MAN2B1: variants seen among roughly 807,000 people sequenced by gnomAD.
The protein encoded by MAN2B1 is lysosomal alpha-mannosidase.
Under a neutral mutation model 127.5 loss-of-function variants are expected in MAN2B1, and 99 were observed. That is an observed-to-expected ratio of 0.78 (90% CI 0.66 to 0.92). The LOEUF is 0.92. MAN2B1 is among the 40% of genes least tolerant of loss of function. The probability of loss-of-function intolerance (pLI) is 0.00; values close to 1 mark genes in which losing one functional copy is unlikely to be tolerated. For synonymous variants in MAN2B1, 573 were observed against 568.8 expected, an observed-to-expected ratio of 1.01 and a Z score of -0.11; for missense variants, 1,304 against 1,384.8, an observed-to-expected ratio of 0.94 and a Z score of 0.93.
chr19:12,649,904 A>G lies in MAN2B1; in HGVS notation c.2267+9T>C, dbSNP rs750833439. ...GACCACCCCCTCAGTGCTCTCAGTC[A>G]CCCCCCACCTCCTCTCCAGGATCTC... On this transcript the variant is annotated intron_variant, in intron 18 of 23. Transcript: ENST00000456935. 2 of 1,535,406 alleles carry G rather than the reference A, an allele frequency of 1.3e-6. No homozygotes were observed. Among genetic ancestry groups the G allele is most frequent in the Admixed American group, 1.7e-5 (1 of 57,156 alleles).
intron 11 of MAN2B1, 28 bp downstream of exon 11, chr19:12,657,418 C>A (rs1041281212): frequency 5.9e-6 from 9 of 1,537,646 alleles, no homozygotes; most frequent in East Asian, 2.4e-5. Context: ...TCTCCACCCC[C>A]GTGTCTCCCA....
Position 12,650,107 on chromosome 19 carries a change from A to G in MAN2B1, c.2162T>C (p.Val721Ala), listed in dbSNP as rs778385288. The G allele has an allele frequency of 1.2e-6, 2 of 1,613,552 alleles. No homozygotes were observed. The highest frequency in any genetic ancestry group is 2.7e-5 in the African/African-American group (2 of 74,802). Residue 721 changes from valine (V) to alanine (A), a missense_variant, in exon 17 of 24, where the codon GTG becomes GCG. Physicochemically the swap from Val to Ala is moderately conservative, Grantham distance 64. Transcript: ENST00000456935. ...ELEWSVGPIPVGDTWGKEVIS... is the reference protein window; with the variant it reads ...ELEWSVGPIPAGDTWGKEVIS... Reference sequence around the variant, plus strand: ...TCTCCCAGCCTGTGCCACTCACCCCACAGGTATCGGCCCCACCGACCACTC... The same window carrying G: ...TCTCCCAGCCTGTGCCACTCACCCCGCAGGTATCGGCCCCACCGACCACTC...
chr19:12,655,799 G>A lies in MAN2B1; in HGVS notation c.1725C>T (p.Phe575=), dbSNP rs750784245. 3 of 1,612,980 alleles carry A rather than the reference G, an allele frequency of 1.9e-6. No individual in the cohort carries two copies. The highest frequency in any genetic ancestry group is 2.2e-5 in the South Asian group (2 of 91,046). Residue 575 remains phenylalanine (F), a synonymous_variant, in exon 14 of 24, where the codon TTC becomes TTT. Coordinates refer to ENST00000456935, the MANE Select transcript of MAN2B1 (RefSeq NM_000528.4). ...GCACCTGGGCTACTGAATAGGTGCT[G>A]AAGCCCAGGGCGGGCAGTGAGGCTG... is the stretch of plus-strand genomic sequence containing the variant. ...LFSASLPALG[F]STYSVAQVPR...
chr19:12,665,759 G>C lies in MAN2B1; in HGVS notation c.206C>G (p.Pro69Arg). Residue 69 changes from proline to arginine, a missense_variant, in exon 2 of 24, where the codon CCT becomes CGT. Pro to Arg is a moderately radical substitution (Grantham distance 103). Coordinates refer to ENST00000456935, the MANE Select transcript of MAN2B1 (RefSeq NM_000528.4). ...QPNMLNVHLL[P>R]HTHDDVGWLK... ...CCAGCCCACGTCATCATGTGTGTGA[G>C]GCAGCAGGTGCACGTTCAGCATGTT... 6.2e-7 allele frequency: 1 copy of C among 1,614,166 alleles called. No homozygotes were observed. The highest frequency in any genetic ancestry group is 8.5e-7 in the Non-Finnish European group (1 of 1,180,024).
chr19:12,661,934 T>C (rs1248375860), intron 6 of MAN2B1, among the ~76,000 whole-genome samples: 1 of 152,070 alleles, frequency 6.6e-6, no homozygotes, highest in Admixed American at 6.5e-5. Context: ...AACCTCCACC[T>C]GCCAGGTTCA....
At position 12,647,859 on chromosome 19, in the gene MAN2B1, G is replaced by A. The variant is rs1459505698; in HGVS notation, c.2665-261C>T. 6.6e-6 allele frequency among the ~76,000 whole-genome samples: 1 copy of A among 151,982 alleles called. No homozygotes were observed. Among genetic ancestry groups the A allele is most frequent in the South Asian group, 2.1e-4 (1 of 4,814 alleles). On this transcript the variant is annotated intron_variant, in intron 21 of 23. Coordinates refer to ENST00000456935, the MANE Select transcript of MAN2B1 (RefSeq NM_000528.4). This position sits in a 1 kb window ranked among gnomAD's most constrained non-coding sequence, Gnocchi z 4.9. ...CTGAGACTTTGGGAGTTACGGCGGG[G>A]CTGAAGCCGCGGGGCTGGGTGAGGC...
At chr19:12,656,366 A>G (rs979606445) in intron 13 of MAN2B1, 4 of 569,302 alleles carry the variant, frequency 7.0e-6, no homozygotes, top group African/African-American at 5.7e-5. Context: ...CAAAAAAAAA[A>G]AAAAAAGGGA....
chr19:12,661,236 G>A, intron 7 of MAN2B1, 24 bp downstream of exon 7: 1 of 1,542,098 alleles, frequency 6.5e-7, no homozygotes, highest in Non-Finnish European at 9.0e-7. Context: ...GTGCACAAGG[G>A]TACCACAGGG....
intron 7 of MAN2B1, chr19:12,661,003 C>T (rs973588767): frequency 5.0e-6 from 2 of 402,240 alleles, no homozygotes; most frequent in African/African-American, 2.1e-5. Flanking sequence ...GTGATCTGCC[C>T]GGCTCAGCCT....
rs544337017 is a variant in MAN2B1, at chr19:12,658,221, C to T, written c.1230+3G>A. 6 of 1,614,016 alleles carry T rather than the reference C, an allele frequency of 3.7e-6. No homozygotes were observed. Among genetic ancestry groups the T allele is most frequent in the Admixed American group, 1.7e-5 (1 of 60,028 alleles). ...TGCCCCCTCTAGCCCGGCTCCTACC[C>T]ACCTGCAGGAAGTTGTAGCTGAGGC... is the stretch of plus-strand genomic sequence containing the variant. On this transcript the variant is annotated splice_donor_region_variant and intron_variant, in intron 9 of 23. Transcript: ENST00000456935.
chr19:12,656,801 C>G (rs1245378593), intron 12 of MAN2B1, 114 bp from the exon 13 acceptor site: 1 of 1,057,612 alleles, frequency 9.5e-7, no homozygotes. Context: ...CACTTAAGGC[C>G]AAGCCCCCTC....
chr19:12,651,749 T>C (rs2023844490), intron 16 of MAN2B1, among the ~76,000 whole-genome samples: 1 of 152,062 alleles, frequency 6.6e-6, no homozygotes, highest in Non-Finnish European at 1.5e-5. Context: ...CCAAACCCAA[T>C]CAATCCAAGG....
chr19:12,655,793 G>A lies in MAN2B1; in HGVS notation c.1731C>T (p.Thr577=), dbSNP rs765651082. The stretch of plus-strand genomic sequence containing the variant: ...AGCGAGGCACCTGGGCTACTGAATA[G>A]GTGCTGAAGCCCAGGGCGGGCAGTG... ...SASLPALGFS[T]YSVAQVPRWK... Residue 577 remains threonine, a synonymous_variant, in exon 14 of 24, where the codon ACC becomes ACT. Coordinates refer to ENST00000456935, the MANE Select transcript of MAN2B1 (RefSeq NM_000528.4). The A allele has an allele frequency of 3.1e-6, 5 of 1,612,120 alleles. No homozygotes were observed. The African/African-American group carries it at 6.7e-5, about 22-fold the overall frequency.
At chr19:12,652,824 G>A (rs1042004709) in intron 14 of MAN2B1, among the ~76,000 whole-genome samples, 1 of 137,434 alleles carries the variant, frequency 7.3e-6, no homozygotes, top group African/African-American at 2.8e-5. Flanking sequence ...AAGCCACTGT[G>A]CCCAGCCGGA....
chr19:12,666,198 TG>T (rs2024233269), intron 1 of MAN2B1, among the ~76,000 whole-genome samples: 1 of 151,962 alleles, frequency 6.6e-6, no homozygotes, highest in African/African-American at 2.4e-5. Context: ...AGAGCTAGGC[TG>T]GAATTTCAGG....
chr19:12,654,784 C>A (rs1294398243), intron 14 of MAN2B1, among the ~76,000 whole-genome samples: 1 of 152,032 alleles, frequency 6.6e-6, no homozygotes, highest in Non-Finnish European at 1.5e-5. Context: ...AAGCAATCCT[C>A]CTTCCTCAGC....
At chr19:12,657,978 A>T in intron 10 of MAN2B1, 85 bp downstream of exon 10, 2 of 1,008,420 alleles carry the variant, frequency 2.0e-6, no homozygotes, top group Non-Finnish European at 3.0e-6. Flanking sequence ...AAAAAAAAAA[A>T]AAAGAAGAAA....
rs1318784113 is a variant in MAN2B1 at position 12,666,557 on chromosome 19, C to G, written c.145G>C (p.Ala49Pro). 6.3e-7 allele frequency: 1 copy of G among 1,585,478 alleles called. No individual in the cohort carries two copies. ...GCCCCACTCACCTCGTATCCCCCGG[C>G]CCGAGCACCGGCAGCCGCCAGCAAC... ...LLLLAAAGAR[A>P]GGYETCPTVQ... Residue 49 changes from alanine (A) to proline (P), a missense_variant, in exon 1 of 24, where the codon GCC becomes CCC. Physicochemically the swap from Ala to Pro is conservative, Grantham distance 27. Transcript: ENST00000456935.
At chr19:12,653,855 A>C (rs1161499685) in intron 14 of MAN2B1, among the ~76,000 whole-genome samples, 1 of 151,780 alleles carries the variant, frequency 6.6e-6, no homozygotes, top group Non-Finnish European at 1.5e-5. Flanking sequence ...AGTAGCTAGG[A>C]CTACAAGTGT....
Sources: gnomAD v4.1 joint callset for allele counts (sites outside exome capture counted in the v4.1 genomes callset) on GRCh38, gnomAD v4.1.1 for gene constraint, Gnocchi (gnomAD v3.1) non-coding constraint, MANE v1.5 for transcripts, NCBI Gene and HGNC (gene_info 2026-07-23, HGNC 2026-07-21) for gene names.